Variants in CFAP61 observed in about 807,000 individuals in gnomAD.
CFAP61 encodes the protein cilia- and flagella-associated protein 61.
CFAP61 carries 107 observed loss-of-function variants against 135.6 expected under a neutral mutation model. That is an observed-to-expected ratio of 0.79 (90% CI 0.67 to 0.93). The LOEUF (loss-of-function observed/expected upper bound fraction) is 0.93, where lower values mean the gene tolerates loss of function less well. CFAP61 is among the 40% of genes least tolerant of loss of function. The pLI is 0.00. For synonymous variants in CFAP61, 575 were observed against 578.5 expected, an observed-to-expected ratio of 0.99 and a Z score of 0.09; for missense variants, 1,507 against 1,556.2, an observed-to-expected ratio of 0.97 and a Z score of 0.53.
rs187521391 is a variant in CFAP61, at chr20:20,089,498, G to C, written c.567-1346G>C. On this transcript the variant is annotated intron_variant, in intron 6 of 26. Coordinates refer to ENST00000245957, the MANE Select transcript of CFAP61 (RefSeq NM_015585.4). The stretch of plus-strand genomic sequence containing the variant: ...TGAAGATGGTAGCATAGTAAAGCTA[G>C]GGGGAGGAAATAGACATTAGTAGCC... 1.5e-4 allele frequency among the ~76,000 whole-genome samples: 23 copies of C among 151,800 alleles called. No homozygotes were observed. In the East Asian group the frequency reaches 4.5e-3, roughly 29 times the overall value.
chr20:20,157,533 T>C (rs1461300194), intron 9 of CFAP61, among the ~76,000 whole-genome samples: 2 of 152,226 alleles, frequency 1.3e-5, no homozygotes, highest in African/African-American at 4.8e-5. Flanking sequence ...AAGAATAGTC[T>C]TTTCTCTCTG....
intron 18 of CFAP61, among the ~76,000 whole-genome samples, chr20:20,228,811 A>G (rs1490447874): frequency 1.3e-5 from 2 of 152,186 alleles, no homozygotes; most frequent in Non-Finnish European, 2.9e-5. Flanking sequence ...CCCGATCACA[A>G]AAACCACCTG....
At chr20:20,300,016 T>G (rs1016632814) in intron 25 of CFAP61, among the ~76,000 whole-genome samples, 1 of 152,196 alleles carries the variant, frequency 6.6e-6, no homozygotes, top group Non-Finnish European at 1.5e-5. Flanking sequence ...GTCACACATA[T>G]AATCGGAGTC....
chr20:20,144,070 A>G (rs1369875010), intron 9 of CFAP61, among the ~76,000 whole-genome samples: 1 of 152,216 alleles, frequency 6.6e-6, no homozygotes, highest in African/African-American at 2.4e-5. Flanking sequence ...CTGCTTAACA[A>G]ATCTTTAAAG....
In CFAP61 at chr20:20,360,124, TGTTGTTTTCATTCTCATGAAACTGCC is replaced by T. The variant is rs1419583411; in HGVS notation, c.3514-82_3514-57del. 5.0e-6 allele frequency: 5 copies of T among 1,003,832 alleles called. No homozygotes were observed. The Admixed American group carries it at 9.4e-5, about 19-fold the overall frequency. The allele number at this position is 1,003,832 out of a possible 1,614,324, so 62.2% of individuals were successfully genotyped here. A position where few individuals can be genotyped will look rare whatever the true frequency, so the allele number is the denominator to read the frequency against. On this transcript the variant is annotated intron_variant, in intron 26 of 26. Transcript: ENST00000245957. ...TGACCATCCTTGCAGAGCTGACTAC[TGTTGTTTTCATTCTCATGAAACTGCC>T]GTTACAACTGTGCAGGGTCCAATTA...
At chr20:20,163,677 A>G (rs2053585680) in intron 10 of CFAP61, among the ~76,000 whole-genome samples, 1 of 151,762 alleles carries the variant, frequency 6.6e-6, no homozygotes, top group Non-Finnish European at 1.5e-5. Flanking sequence ...CTAGGTATAC[A>G]TGTGCCATGG....
intron 17 of CFAP61, chr20:20,215,334 T>C (rs1452726965): frequency 6.6e-6 from 1 of 152,256 alleles, no homozygotes; most frequent in African/African-American, 2.4e-5. Flanking sequence ...TCAAAAATTA[T>C]TCTTTGATAA....
At chr20:20,139,262 T>G (rs182372079) in intron 8 of CFAP61, among the ~76,000 whole-genome samples, 2 of 152,210 alleles carry the variant, frequency 1.3e-5, no homozygotes, top group Non-Finnish European at 2.9e-5. Context: ...AGGAGAGTAA[T>G]GCAAAATGAT....
At chr20:20,112,985 T>C (rs954672321) in intron 8 of CFAP61, among the ~76,000 whole-genome samples, 1 of 152,252 alleles carries the variant, frequency 6.6e-6, no homozygotes, top group African/African-American at 2.4e-5. Context: ...GCTTGTCCTC[T>C]TGTCTTTAAT....
chr20:20,356,361 A>C (rs148801143), intron 26 of CFAP61, among the ~76,000 whole-genome samples: 1 of 6,798 alleles, frequency 1.5e-4, no homozygotes. Context: ...TGTGAGGGGA[A>C]GTGGTCACAC....
chr20:20,217,452 T>G (rs2048111382), intron 17 of CFAP61, among the ~76,000 whole-genome samples: 1 of 151,806 alleles, frequency 6.6e-6, no homozygotes, highest in Non-Finnish European at 1.5e-5. Context: ...TATCCAGGAG[T>G]GAAAATAAAT....
intron 18 of CFAP61, among the ~76,000 whole-genome samples, chr20:20,244,242 G>C (rs747205651): frequency 1.3e-5 from 2 of 152,208 alleles, no homozygotes; most frequent in South Asian, 2.1e-4. Context: ...CCCCAGTAGG[G>C]ACTCTGTGTG....
intron 8 of CFAP61, among the ~76,000 whole-genome samples, chr20:20,130,481 C>G (rs2050429247): frequency 6.6e-6 from 1 of 151,718 alleles, no homozygotes; most frequent in Non-Finnish European, 1.5e-5. Flanking sequence ...AAGGACAGTT[C>G]AATTGAAGGA....
At chr20:20,319,498 C>T (rs1270487521) in intron 25 of CFAP61, among the ~76,000 whole-genome samples, 1 of 152,180 alleles carries the variant, frequency 6.6e-6, no homozygotes, top group African/African-American at 2.4e-5. Context: ...ATAGTGAGTT[C>T]TCATGAGATG....
chr20:20,339,148 C>G (rs1342679277), intron 25 of CFAP61, among the ~76,000 whole-genome samples: 1 of 152,214 alleles, frequency 6.6e-6, no homozygotes, highest in Non-Finnish European at 1.5e-5. Flanking sequence ...ACCTGGCCCT[C>G]TCTCCTGAAG....
chr20:20,300,408 G>A (rs2055992058), intron 25 of CFAP61, among the ~76,000 whole-genome samples: 1 of 152,182 alleles, frequency 6.6e-6, no homozygotes, highest in South Asian at 2.1e-4. Flanking sequence ...CTTCCAGTGG[G>A]ACAAGATGCA....
chr20:20,177,964 C>T (rs1202935342), intron 13 of CFAP61, among the ~76,000 whole-genome samples: 1 of 152,136 alleles, frequency 6.6e-6, no homozygotes, highest in Non-Finnish European at 1.5e-5. Flanking sequence ...CTTCACTTCT[C>T]TTTACATTTG....
chr20:20,356,127 A>ACACTGAGAGGAGGTG (rs1569332351), intron 26 of CFAP61, among the ~76,000 whole-genome samples: 6 of 76,738 alleles, frequency 7.8e-5, no homozygotes, highest in Non-Finnish European at 9.8e-5. Flanking sequence ...GAGGGGAGGT[A>ACACTGAGAGGAGGTG]GTCACACTGA....
rs542317853 is a variant in CFAP61 at position 20,360,663 on chromosome 20, C to A, written c.*253C>A. 3.8e-5 allele frequency: 19 copies of A among 501,906 alleles called. No homozygotes were observed. The South Asian group carries it at 5.4e-4, about 14-fold the overall frequency. 31.1% of individuals were successfully genotyped at this position (501,906 alleles called of 1,614,324 possible). ...AGGCATGTTCCTGTGCAGAATAATCCATTTCAGCAATAAAATGAGATCATA... is the reference window on the plus strand; with the variant it reads ...AGGCATGTTCCTGTGCAGAATAATCAATTTCAGCAATAAAATGAGATCATA... On this transcript the variant is annotated 3_prime_UTR_variant, in exon 27 of 27. Coordinates refer to ENST00000245957, the MANE Select transcript of CFAP61 (RefSeq NM_015585.4).
Sources: gnomAD v4.1 joint callset for allele counts (sites outside exome capture counted in the v4.1 genomes callset) on GRCh38, gnomAD v4.1.1 for gene constraint, MANE v1.5 for transcripts, NCBI Gene and HGNC (gene_info 2026-07-23, HGNC 2026-07-21) for gene names.